Variants in L3MBTL3 observed in about 807,000 individuals in gnomAD.
L3MBTL3 encodes lethal(3)malignant brain tumor-like protein 3.
In L3MBTL3, 27 loss-of-function variants were observed where a neutral mutation model predicts 102.3. The observed-to-expected ratio is 0.26, with a 90% CI of 0.19 to 0.36. The LOEUF is 0.36. Ranked by LOEUF, L3MBTL3 falls within the 10% of genes least tolerant of loss-of-function variation. The pLI is 1.00. For synonymous variants in L3MBTL3, 340 were observed against 320.9 expected, an observed-to-expected ratio of 1.06 and a Z score of -0.64; for missense variants, 798 against 955.3, an observed-to-expected ratio of 0.84 and a Z score of 2.17.
intron 18 of L3MBTL3, among the ~76,000 whole-genome samples, chr6:130,102,215 T>C (rs1305603424): frequency 3.3e-5 from 5 of 152,290 alleles, no homozygotes; most frequent in African/African-American, 9.6e-5. Flanking sequence ...ACAGGTCTTC[T>C]TGGGATGACA....
chr6:130,127,589 A>C (rs1341061126), intron 20 of L3MBTL3, among the ~76,000 whole-genome samples: 1 of 151,978 alleles, frequency 6.6e-6, no homozygotes, highest in Non-Finnish European at 1.5e-5. Context: ...ACTAAGAATC[A>C]ACATTTAAAA....
At chr6:130,022,491 T>G (rs1779077842) in intron 2 of L3MBTL3, among the ~76,000 whole-genome samples, 186 bp downstream of exon 2, 1 of 152,204 alleles carries the variant, frequency 6.6e-6, no homozygotes, top group Non-Finnish European at 1.5e-5. Flanking sequence ...ATTAGGAAGT[T>G]AGGAGATTGT....
intron 19 of L3MBTL3, among the ~76,000 whole-genome samples, chr6:130,115,666 G>T (rs1785623557): frequency 1.3e-5 from 2 of 152,060 alleles, no homozygotes; most frequent in Non-Finnish European, 2.9e-5. Context: ...TAATTACAGA[G>T]AAAAAGAAAA....
At chr6:130,138,911 T>G (rs887592678) in intron 22 of L3MBTL3, among the ~76,000 whole-genome samples, 2 of 152,172 alleles carry the variant, frequency 1.3e-5, no homozygotes, top group Non-Finnish European at 2.9e-5. Context: ...TTCTAGAGAA[T>G]AGTAGCCTAT....
chr6:130,044,425 G>A (rs1780608907), intron 3 of L3MBTL3, among the ~76,000 whole-genome samples: 1 of 151,980 alleles, frequency 6.6e-6, no homozygotes, highest in Non-Finnish European at 1.5e-5. Flanking sequence ...CGTGGATGAT[G>A]AAATTTGTAA....
At chr6:130,057,563 A>T (rs563017896) in intron 9 of L3MBTL3, 66 bp downstream of exon 9, 1 of 1,261,366 alleles carries the variant, frequency 7.9e-7, no homozygotes, top group East Asian at 2.4e-5. Flanking sequence ...CTGAATTACG[A>T]TTGTTGTTTC....
chr6:130,021,889 T>C (rs568226567), intron 1 of L3MBTL3, among the ~76,000 whole-genome samples: 1 of 152,338 alleles, frequency 6.6e-6, no homozygotes, highest in South Asian at 2.1e-4. Flanking sequence ...CTTTTTCCAG[T>C]GTGTTTTCTG....
chr6:130,066,248 A>T, intron 10 of L3MBTL3, 105 bp from the exon 11 acceptor site: 1 of 365,264 alleles, frequency 2.7e-6, no homozygotes, highest in Non-Finnish European at 4.6e-6. Flanking sequence ...GATTAACATT[A>T]AGACTATATC....
At chr6:130,102,107 A>G (rs1318499507) in intron 18 of L3MBTL3, among the ~76,000 whole-genome samples, 2 of 151,974 alleles carry the variant, frequency 1.3e-5, no homozygotes, top group East Asian at 3.9e-4. Context: ...GGGGGAAAAA[A>G]AAAAGGCACC....
intron 14 of L3MBTL3, 64 bp downstream of exon 14, chr6:130,078,698 G>T: frequency 9.3e-7 from 1 of 1,072,624 alleles, no homozygotes; most frequent in Non-Finnish European, 1.4e-6. Context: ...GACTTTTTCT[G>T]TAAAGGGCCA....
At chr6:130,092,273 A>T (rs9492449) in intron 16 of L3MBTL3, among the ~76,000 whole-genome samples, 58,360 of 151,626 alleles carry the variant, frequency 0.38, 13,157 homozygotes, top group African/African-American at 0.63. Context: ...GCTTTTTTTT[A>T]AATCATTTTC....
intron 2 of L3MBTL3, among the ~76,000 whole-genome samples, chr6:130,025,015 GC>G (rs1282219004): frequency 6.6e-6 from 1 of 152,084 alleles, no homozygotes; most frequent in Non-Finnish European, 1.5e-5. Flanking sequence ...TGAGTAAGAA[GC>G]CCTTCACCCA....
intron 18 of L3MBTL3, among the ~76,000 whole-genome samples, chr6:130,099,357 T>G (rs962233041): frequency 2.0e-5 from 3 of 152,226 alleles, no homozygotes; most frequent in Non-Finnish European, 4.4e-5. Context: ...CCACACCTTA[T>G]TAAAGTTTTG....
intron 22 of L3MBTL3, 96 bp from the exon 23 acceptor site, chr6:130,139,514 G>T: frequency 8.9e-7 from 1 of 1,127,838 alleles, no homozygotes. Context: ...TTTTAGCATT[G>T]CTATGTAGAA....
chr6:130,140,085 A>G lies in L3MBTL3; in HGVS notation c.*332A>G, dbSNP rs942699506. The G allele has an allele frequency of 5.2e-6, 1 of 192,392 alleles. No homozygotes were observed. Among genetic ancestry groups the G allele is most frequent in the Non-Finnish European group, 1.1e-5 (1 of 93,774 alleles). 11.9% of individuals were successfully genotyped at this position (192,392 alleles called of 1,614,324 possible). A position where few individuals can be genotyped will look rare whatever the true frequency, so the allele number is the denominator to read the frequency against. On this transcript the variant is annotated 3_prime_UTR_variant, in exon 23 of 23. Transcript: ENST00000361794. ...GGGGGGCAGAGTAAGAACTTTTGGCATTTTGTAAACATTGTTGAATTCTCT... is the reference window on the plus strand; with the variant it reads ...GGGGGGCAGAGTAAGAACTTTTGGCGTTTTGTAAACATTGTTGAATTCTCT...
chr6:130,031,654 G>A (rs898646680), intron 2 of L3MBTL3, among the ~76,000 whole-genome samples: 57 of 152,100 alleles, frequency 3.7e-4, no homozygotes, highest in African/African-American at 1.2e-3. Flanking sequence ...GACCAGCATC[G>A]TGACCATTCA....
chr6:130,031,102 A>G (rs1779696843), intron 2 of L3MBTL3, among the ~76,000 whole-genome samples: 1 of 152,158 alleles, frequency 6.6e-6, no homozygotes, highest in African/African-American at 2.4e-5. Flanking sequence ...ATCACAAACT[A>G]AATCTGAGAG....
In L3MBTL3 at chr6:130,086,122, A is replaced by C; in HGVS notation, c.1408-18A>C. 1 of 1,553,412 alleles carries C rather than the reference A, an allele frequency of 6.4e-7. No homozygotes were observed. Among genetic ancestry groups the C allele is most frequent in the Non-Finnish European group, 8.9e-7 (1 of 1,126,542 alleles). On this transcript the variant is annotated intron_variant, in intron 15 of 22. Coordinates refer to ENST00000361794, the MANE Select transcript of L3MBTL3 (RefSeq NM_032438.4). ...TCTTCCTCTTTATCTCACTCTGTAAAATTTTTTTTTGTGGCAGAAACCTCC... is the reference window on the plus strand; with the variant it reads ...TCTTCCTCTTTATCTCACTCTGTAACATTTTTTTTTGTGGCAGAAACCTCC...
intron 9 of L3MBTL3, 134 bp from the exon 10 acceptor site, chr6:130,059,902 G>C (rs1023093671): frequency 7.0e-6 from 4 of 568,990 alleles, no homozygotes; most frequent in African/African-American, 5.8e-5. Flanking sequence ...GTTATTTATT[G>C]ATTTCTTTTT....
Sources: gnomAD v4.1 joint callset for allele counts (sites outside exome capture counted in the v4.1 genomes callset) on GRCh38, gnomAD v4.1.1 for gene constraint, MANE v1.5 for transcripts, NCBI Gene and HGNC (gene_info 2026-07-23, HGNC 2026-07-21) for gene names.